OSBPL9: variants seen among roughly 807,000 people sequenced by gnomAD.
OSBPL9 encodes the protein oxysterol-binding protein-related protein 9.
Under a neutral mutation model 106.6 loss-of-function variants are expected in OSBPL9, and 40 were observed. The observed-to-expected ratio is 0.38, with a 90% CI of 0.29 to 0.49. The LOEUF is 0.49. OSBPL9 is among the 20% of genes least tolerant of loss of function. The pLI is 0.97. For missense variants in OSBPL9, 609 were observed against 887.2 expected (o/e 0.69, Z 3.98); for synonymous variants, 269 against 295.4 (o/e 0.91, Z 0.92).
chr1:51,620,613 A>C (rs1452732536), intron 1 of OSBPL9, among the ~76,000 whole-genome samples: 1 of 152,256 alleles, frequency 6.6e-6, no homozygotes, highest in African/African-American at 2.4e-5. Context: ...AAAGGGAATA[A>C]AAGTTTTTTG....
At chr1:51,777,214 A>G (rs1348171363) in intron 15 of OSBPL9, among the ~76,000 whole-genome samples, 1 of 152,222 alleles carries the variant, frequency 6.6e-6, no homozygotes, top group Non-Finnish European at 1.5e-5. Flanking sequence ...AATCACTGTC[A>G]AATTATTTGT....
intron 4 of OSBPL9, among the ~76,000 whole-genome samples, chr1:51,736,026 A>G (rs899714393): frequency 1.1e-4 from 16 of 152,206 alleles, no homozygotes; most frequent in Admixed American, 8.5e-4. Context: ...AATCTGCAAG[A>G]ACTAGTTCCT....
chr1:51,740,395 T>TA (rs1007532628), intron 4 of OSBPL9, among the ~76,000 whole-genome samples: 25 of 151,316 alleles, frequency 1.7e-4, no homozygotes, highest in South Asian at 8.3e-4. Context: ...TTTTACTAAT[T>TA]AAAAAAAAAT....
chr1:51,701,519 G>A (rs576703008), intron 3 of OSBPL9, among the ~76,000 whole-genome samples: 1 of 151,886 alleles, frequency 6.6e-6, no homozygotes, highest in African/African-American at 2.4e-5. Flanking sequence ...ATACTCACTT[G>A]TCTGTAGTTA....
intron 1 of OSBPL9, among the ~76,000 whole-genome samples, chr1:51,591,753 C>T (rs1645276309): frequency 6.6e-6 from 1 of 152,006 alleles, no homozygotes; most frequent in South Asian, 2.1e-4. Flanking sequence ...GATCATGCCA[C>T]TGCACTCCAG....
rs1645241077 is a variant in OSBPL9, at chr1:51,585,242, C to T, written c.-423+7986C>T. ...TTGTGGAAGGCAGTGGGGTGGGTAG[C>T]AGGAATAATGCAAGAAAAAAAAATT... On this transcript the variant is annotated intron_variant, in intron 1 of 25. Coordinates refer to the OSBPL9 transcript ENST00000371714. 2.6e-5 allele frequency among the ~76,000 whole-genome samples: 4 copies of T among 150,948 alleles called. No homozygotes were observed. The South Asian group carries it at 8.4e-4, about 32-fold the overall frequency.
intron 1 of OSBPL9, among the ~76,000 whole-genome samples, chr1:51,586,499 A>C: frequency 6.6e-6 from 1 of 152,216 alleles, no homozygotes; most frequent in East Asian, 1.9e-4. Flanking sequence ...ATTACAAATA[A>C]TGCTCACATG....
chr1:51,647,847 G>T (rs1178944200), intron 1 of OSBPL9, among the ~76,000 whole-genome samples: 3 of 151,950 alleles, frequency 2.0e-5, no homozygotes, highest in Non-Finnish European at 4.4e-5. Flanking sequence ...AGGCACAGTG[G>T]CTCGCACCTG....
rs1664943049 is a variant in OSBPL9, at chr1:51,733,514, GCTGTAATCCTAGCA to G, written c.319-12019_319-12006del. Among the ~76,000 whole-genome samples, 5 of 152,194 alleles carry G rather than the reference GCTGTAATCCTAGCA, an allele frequency of 3.3e-5. No homozygotes were observed. In the South Asian group the frequency reaches 1.0e-3, roughly 32 times the overall value. ...AGCAGGGCCGGGTGCGGTGGCTCACGCTGTAATCCTAGCACTTTGGGAGGCCCAGGCTGGCAGAT... is the reference window on the plus strand; with the variant it reads ...AGCAGGGCCGGGTGCGGTGGCTCACGCTTTGGGAGGCCCAGGCTGGCAGAT... On this transcript the variant is annotated intron_variant, in intron 4 of 23. Coordinates refer to ENST00000428468, the MANE Select transcript of OSBPL9 (RefSeq NM_024586.6).
the OSBPL9 span, chr1:51,518,289 G>A: frequency 5.2e-5 from 8 of 152,456 alleles, no homozygotes; most frequent in African/African-American, 1.9e-4. Flanking sequence ...ACAAGGACTG[G>A]ACTTTGACAG....
intron 16 of OSBPL9, chr1:51,781,626 T>C: frequency 3.9e-6 from 1 of 257,564 alleles, no homozygotes; most frequent in Non-Finnish European, 7.6e-6. Context: ...TAGAATGATT[T>C]TGTGAAAAAT....
the OSBPL9 span, among the ~76,000 whole-genome samples, chr1:51,533,584 G>A: frequency 5.3e-5 from 8 of 151,796 alleles, no homozygotes; most frequent in East Asian, 1.9e-4. Flanking sequence ...GCGAGTAAAC[G>A]TAAGGGTCAG....
chr1:51,765,789 A>G lies in OSBPL9; in HGVS notation c.779-33A>G, dbSNP rs375327350. On this transcript the variant is annotated intron_variant, in intron 11 of 23. Transcript: ENST00000428468. Reference sequence around the variant, plus strand: ...CTCCCTAGTTTCTTCTCTTTCACCAATATTTTTCTCTAAAACCCTTTTAAC... The same window carrying G: ...CTCCCTAGTTTCTTCTCTTTCACCAGTATTTTTCTCTAAAACCCTTTTAAC... 7 of 1,559,578 alleles carry G rather than the reference A, an allele frequency of 4.5e-6. No individual in the cohort carries two copies. In the African/African-American group the frequency reaches 7.0e-5, roughly 16 times the overall value.
At chr1:51,699,620 G>C (rs1656812991) in intron 3 of OSBPL9, among the ~76,000 whole-genome samples, 1 of 151,890 alleles carries the variant, frequency 6.6e-6, no homozygotes, top group Non-Finnish European at 1.5e-5. Flanking sequence ...TTACTTTCTG[G>C]CACAAAAAGA....
chr1:51,537,983 A>T, the OSBPL9 span, among the ~76,000 whole-genome samples: 1 of 151,990 alleles, frequency 6.6e-6, no homozygotes, highest in Non-Finnish European at 1.5e-5. Context: ...CAATGTCTTT[A>T]TTCATTTGTT....
chr1:51,658,333 G>A (rs965133840), intron 2 of OSBPL9, among the ~76,000 whole-genome samples: 1 of 151,934 alleles, frequency 6.6e-6, no homozygotes, highest in African/African-American at 2.4e-5. Context: ...CTCAAACACG[G>A]TGTTTGGAGC....
the OSBPL9 span, among the ~76,000 whole-genome samples, chr1:51,526,306 C>T: frequency 2.6e-5 from 4 of 152,134 alleles, no homozygotes; most frequent in Admixed American, 1.3e-4. Flanking sequence ...CCCAGAAGAG[C>T]GAGATGTCTG....
chr1:51,594,524 A>G (rs1645290972), intron 1 of OSBPL9, among the ~76,000 whole-genome samples: 1 of 152,228 alleles, frequency 6.6e-6, no homozygotes, highest in African/African-American at 2.4e-5. Flanking sequence ...TTTTGAGATG[A>G]AGGAGAAGGA....
intron 1 of OSBPL9, among the ~76,000 whole-genome samples, chr1:51,624,463 C>A (rs1342678969): frequency 1.3e-5 from 2 of 151,968 alleles, no homozygotes; most frequent in Non-Finnish European, 2.9e-5. Flanking sequence ...TGGTACACCT[C>A]TGTAATCCCA....
Sources: allele counts gnomAD v4.1 joint callset (sites outside exome capture counted in the v4.1 genomes callset), GRCh38; gene constraint gnomAD v4.1.1; transcripts MANE v1.5; gene names NCBI Gene and HGNC (gene_info 2026-07-23, HGNC 2026-07-21).